Variants in LUZP2 observed in about 807,000 individuals in gnomAD.
LUZP2 encodes the protein leucine zipper protein 2.
A neutral mutation model predicts 51.6 loss-of-function variants in LUZP2; 52 were observed. That is an observed-to-expected ratio of 1.01 (90% CI 0.81 to 1.27). The LOEUF is 1.27. LUZP2 is among the 50% of genes most tolerant of loss of function. LUZP2 has a pLI of 0.00. For synonymous variants in LUZP2, 154 were observed against 137.3 expected, an observed-to-expected ratio of 1.12 and a Z score of -0.85; for missense variants, 436 against 395.4, an observed-to-expected ratio of 1.10 and a Z score of -0.87.
intron 1 of LUZP2, among the ~76,000 whole-genome samples, chr11:24,650,081 A>G (rs1370338512): frequency 8.6e-5 from 13 of 151,852 alleles, no homozygotes; most frequent in Admixed American, 8.5e-4. Context: ...CCTTCTTGAA[A>G]CAATGCGAAA....
chr11:24,590,968 G>T (rs940450635), intron 1 of LUZP2, among the ~76,000 whole-genome samples: 1 of 152,064 alleles, frequency 6.6e-6, no homozygotes, highest in Non-Finnish European at 1.5e-5. Context: ...GATCCTGGCC[G>T]AGCAAGGTGG....
intron 3 of LUZP2, among the ~76,000 whole-genome samples, chr11:24,734,537 A>T (rs1238548591): frequency 2.0e-5 from 3 of 151,932 alleles, no homozygotes; most frequent in Non-Finnish European, 4.4e-5. Flanking sequence ...AAACTTGTTT[A>T]AAATGCATAA....
At chr11:24,870,490 G>GACACACACACAC (rs202205920) in intron 5 of LUZP2, among the ~76,000 whole-genome samples, 163 of 145,720 alleles carry the variant, frequency 1.1e-3, no homozygotes, top group African/African-American at 4.0e-3. Context: ...CACACACACA[G>GACACACACACAC]ACACACACAC....
At chr11:24,607,115 T>C (rs1488622489) in intron 1 of LUZP2, among the ~76,000 whole-genome samples, 3 of 152,086 alleles carry the variant, frequency 2.0e-5, no homozygotes, top group Admixed American at 6.5e-5. Context: ...ATGTTTCCTT[T>C]ACTGTACAGA....
rs1054979914 is a variant in LUZP2, at chr11:24,842,278, T to C, written c.397-63713T>C. On this transcript the variant is annotated intron_variant, in intron 5 of 11. Transcript: ENST00000336930. ...AAGGAATATGTTATATAATACATAA[T>C]ATATAATTTATTAAATAATTTGTAT... 2.7e-5 allele frequency among the ~76,000 whole-genome samples: 4 copies of C among 149,260 alleles called. No individual in the cohort carries two copies. The East Asian group carries it at 7.8e-4, about 29-fold the overall frequency.
intron 1 of LUZP2, among the ~76,000 whole-genome samples, chr11:24,657,012 G>A (rs1416695652): frequency 2.6e-5 from 4 of 152,294 alleles, no homozygotes; most frequent in Non-Finnish European, 4.4e-5. Flanking sequence ...GAGCTGGAGG[G>A]CAGGATGGAG....
chr11:24,763,522 C>G (rs1860061975), intron 5 of LUZP2, among the ~76,000 whole-genome samples: 1 of 152,030 alleles, frequency 6.6e-6, no homozygotes, highest in Admixed American at 6.6e-5. Flanking sequence ...CCAAACTTCT[C>G]TAGTTCATTT....
chr11:24,892,618 G>A (rs1024409888), intron 5 of LUZP2: 1 of 219,954 alleles, frequency 4.5e-6, no homozygotes, highest in Admixed American at 6.5e-5. Flanking sequence ...GCTGAATTAG[G>A]TAGTCAACTA....
At chr11:24,851,224 A>T (rs1352090950) in intron 5 of LUZP2, among the ~76,000 whole-genome samples, 1 of 152,148 alleles carries the variant, frequency 6.6e-6, no homozygotes, top group Non-Finnish European at 1.5e-5. Flanking sequence ...GCTTTTGCCC[A>T]TTCATTATGG....
chr11:24,657,702 C>T (rs564466997), intron 1 of LUZP2, among the ~76,000 whole-genome samples: 24 of 152,276 alleles, frequency 1.6e-4, no homozygotes, highest in African/African-American at 5.8e-4. Context: ...CCAAAATCTC[C>T]TTAACCTGAT....
chr11:24,877,182 T>A (rs1852298933), intron 5 of LUZP2, among the ~76,000 whole-genome samples: 2 of 152,162 alleles, frequency 1.3e-5, no homozygotes, highest in African/African-American at 2.4e-5. Context: ...ATCTCTTTCA[T>A]AAGATTGTTA....
intron 5 of LUZP2, among the ~76,000 whole-genome samples, chr11:24,865,283 A>G (rs1457655362): frequency 6.6e-6 from 1 of 152,238 alleles, no homozygotes; most frequent in Non-Finnish European, 1.5e-5. Flanking sequence ...AGTGCTTAGT[A>G]AATGTTAACC....
intron 6 of LUZP2, among the ~76,000 whole-genome samples, chr11:24,908,591 A>T (rs1853531455): frequency 6.6e-6 from 1 of 152,160 alleles, no homozygotes; most frequent in South Asian, 2.1e-4. Flanking sequence ...TTAGCTTTTC[A>T]AAATGTTGCT....
chr11:24,860,071 A>G (rs1173970880), intron 5 of LUZP2, among the ~76,000 whole-genome samples: 1 of 152,142 alleles, frequency 6.6e-6, no homozygotes, highest in Non-Finnish European at 1.5e-5. Flanking sequence ...GGCAGCACCC[A>G]TCTCTATAGC....
rs140082754 is a variant in LUZP2 at position 24,888,573 on chromosome 11, A to G, written c.397-17418A>G. ...TTACCACACAGGAGTGGGAAATATT[A>G]CACGACATTTTTAGGCAGATCTGAC... On this transcript the variant is annotated intron_variant, in intron 5 of 11. Coordinates refer to ENST00000336930, the MANE Select transcript of LUZP2 (RefSeq NM_001009909.4). 4.9e-4 allele frequency among the ~76,000 whole-genome samples: 74 copies of G among 152,290 alleles called. 1 individual carries two copies. In the East Asian group the frequency reaches 0.012, roughly 25 times the overall value.
chr11:24,888,736 A>T (rs747631461), intron 5 of LUZP2, among the ~76,000 whole-genome samples: 1 of 151,958 alleles, frequency 6.6e-6, no homozygotes, highest in South Asian at 2.1e-4. Context: ...CATAATCTCC[A>T]TGTGTCAAGG....
At chr11:24,719,530 C>T (rs1590395598) in intron 1 of LUZP2, among the ~76,000 whole-genome samples, 2 of 152,154 alleles carry the variant, frequency 1.3e-5, no homozygotes, top group African/African-American at 2.4e-5. Flanking sequence ...AACAAGTACT[C>T]AACTGGCCAA....
At chr11:24,672,935 G>A (rs1015606156) in intron 1 of LUZP2, among the ~76,000 whole-genome samples, 18 of 152,260 alleles carry the variant, frequency 1.2e-4, no homozygotes, top group Middle Eastern at 3.4e-3. Flanking sequence ...TCTGTCTCCC[G>A]TCAAATCAGC....
chr11:24,975,720 G>A (rs987345986), intron 7 of LUZP2, among the ~76,000 whole-genome samples: 1 of 152,032 alleles, frequency 6.6e-6, no homozygotes, highest in Admixed American at 6.6e-5. Flanking sequence ...ACATAGCTGG[G>A]AAGGGGTGGA....
Sources: gnomAD v4.1 joint callset for allele counts (sites outside exome capture counted in the v4.1 genomes callset) on GRCh38, gnomAD v4.1.1 for gene constraint, MANE v1.5 for transcripts, NCBI Gene and HGNC (gene_info 2026-07-23, HGNC 2026-07-21) for gene names.